The following BIN1 variants were observed in gnomAD, a reference collection of about 807,000 sequenced individuals.
BIN1 encodes the protein myc box-dependent-interacting protein 1.
In BIN1, 53 loss-of-function variants were observed where a neutral mutation model predicts 82.0. The ratio of observed to expected loss-of-function variants is 0.65; its 90% CI spans 0.52 to 0.81. The LOEUF (loss-of-function observed/expected upper bound fraction) is 0.81. Ranked by LOEUF, BIN1 falls within the 40% of genes least tolerant of loss-of-function variation. The pLI is 0.00. For synonymous variants in BIN1, 302 were observed against 328.0 expected (o/e 0.92, Z 0.86); for missense variants, 642 against 784.4 (o/e 0.82, Z 2.17).
At chr2:127,053,811 C>A (rs1683279955) in intron 13 of BIN1, 94 bp downstream of exon 13, 9 of 1,259,344 alleles carry the variant, frequency 7.1e-6, no homozygotes, top group Admixed American at 2.0e-5. Context: ...GTGACCCAGG[C>A]CTAGCTGGGG....
At position 127,068,340 on chromosome 2, in the gene BIN1, G is replaced by A. The variant is rs142862911; in HGVS notation, c.520-85C>T. 1 of 1,163,084 alleles carries A rather than the reference G, an allele frequency of 8.6e-7. No homozygotes were observed. The highest frequency in any genetic ancestry group is 1.2e-6 in the Non-Finnish European group (1 of 803,766). The allele number at this position is 1,163,084 out of a possible 1,614,324, so 72.0% of individuals were successfully genotyped here. A position where few individuals can be genotyped will look rare whatever the true frequency, so the allele number is the denominator to read the frequency against. ...AACAGAGACACACAGATTAAATGCA[G>A]GTCCACACGCCCCACGCGCGGGGGC... On this transcript the variant is annotated intron_variant, in intron 6 of 18. Transcript: ENST00000316724. This position sits in a 1 kb window ranked among gnomAD's most constrained non-coding sequence, Gnocchi z 4.9.
Position 127,059,024 on chromosome 2 carries a change from T to C in BIN1, c.989A>G (p.Lys330Arg), listed in dbSNP as rs763376206. 2 of 1,559,042 alleles carry C rather than the reference T, an allele frequency of 1.3e-6. No homozygotes were observed. Among genetic ancestry groups the C allele is most frequent in the African/African-American group, 1.4e-5 (1 of 73,336 alleles). ...GGATPGATLP[K>R]SPSQLRKGPP... is the part of the protein sequence containing the mutation. ...CATCACTCCTACCTGAGATGGGGAC[T>C]TGGGGAGGGTGGCCCCGGGCGTGGC... is the stretch of plus-strand genomic sequence containing the variant. Residue 330 changes from lysine to arginine, a missense_variant, in exon 11 of 19, where the codon AAG (lysine) becomes AGG (arginine). Transcript: ENST00000316724. The surrounding 1 kb of genome is among the most constrained non-coding windows in gnomAD (Gnocchi z 6.7).
At chr2:127,098,548 C>G (rs1175918844) in intron 1 of BIN1, among the ~76,000 whole-genome samples, 3 of 152,190 alleles carry the variant, frequency 2.0e-5, no homozygotes, top group Admixed American at 1.3e-4. Context: ...AAGGCCCAAC[C>G]ACCCCACCCC....
At chr2:127,104,960 C>G (rs1355911304) in intron 1 of BIN1, among the ~76,000 whole-genome samples, 1 of 152,148 alleles carries the variant, frequency 6.6e-6, no homozygotes, top group Non-Finnish European at 1.5e-5. Flanking sequence ...AACTCCAGTC[C>G]CAGGAAGCCC....
At chr2:127,076,160 T>C (rs13386828) in intron 2 of BIN1, among the ~76,000 whole-genome samples, 28,185 of 152,028 alleles carry the variant, frequency 0.19, 2,825 homozygotes, top group South Asian at 0.26. Context: ...TGGCTGCGGA[T>C]GCCTCCCCAC....
chr2:127,107,143 G>A lies in BIN1; in HGVS notation c.-200C>T, dbSNP rs1681272233. 2 of 511,790 alleles carry A rather than the reference G, an allele frequency of 3.9e-6. No homozygotes were observed. The highest frequency in any genetic ancestry group is 4.1e-5 in the African/African-American group (2 of 49,206). 31.7% of individuals were successfully genotyped at this position (511,790 alleles called of 1,614,324 possible). A position where few individuals can be genotyped will look rare whatever the true frequency, so the allele number is the denominator to read the frequency against. ...GCCAGCGAGCTAGCCAGCGAGCGAC[G>A]CGGGGACAGAGGGAGGGAGAGGGGA... is the stretch of plus-strand genomic sequence containing the variant. On this transcript the variant is annotated 5_prime_UTR_variant, in exon 1 of 19. Transcript: ENST00000316724. The surrounding 1 kb of genome is among the most constrained non-coding windows in gnomAD (Gnocchi z 5.9).
chr2:127,070,750 C>T lies in BIN1; in HGVS notation c.220+12G>A, dbSNP rs769249858. The stretch of plus-strand genomic sequence containing the variant: ...CTCTACACGGGCCAGGTGCGCTCTG[C>T]CTGCCTCCTACCTTTGACGGAGGCC... On this transcript the variant is annotated intron_variant, in intron 3 of 18. Transcript: ENST00000316724. 11 of 1,613,894 alleles carry T rather than the reference C, an allele frequency of 6.8e-6. No individual in the cohort carries two copies. In the South Asian group the frequency reaches 1.2e-4, roughly 18 times the overall value.
intron 2 of BIN1, among the ~76,000 whole-genome samples, chr2:127,072,361 C>G (rs547024126): frequency 6.6e-6 from 1 of 152,354 alleles, no homozygotes; most frequent in African/African-American, 2.4e-5. Flanking sequence ...CTTCTCAACA[C>G]CACTGTCCCA....
intron 1 of BIN1, among the ~76,000 whole-genome samples, chr2:127,084,587 G>A (rs1473803976): frequency 6.6e-6 from 1 of 152,180 alleles, no homozygotes; most frequent in African/African-American, 2.4e-5. Flanking sequence ...AGGCATTTCA[G>A]CGTTCCCTCA....
Position 127,048,240 on chromosome 2 carries a change from C to T in BIN1, c.*286G>A, listed in dbSNP as rs972926183. 6.8e-5 allele frequency: 30 copies of T among 443,388 alleles called. No homozygotes were observed. Among genetic ancestry groups the T allele is most frequent in the Non-Finnish European group, 1.3e-4 (30 of 238,612 alleles). 27.5% of individuals were successfully genotyped at this position (443,388 alleles called of 1,614,324 possible). A position where few individuals can be genotyped will look rare whatever the true frequency, so the allele number is the denominator to read the frequency against. ...ATGGTGGCTCGGCAGCCCCCAGCCCCGCCCTGCGGCCAGGCACACATGCGG... is the reference window on the plus strand; with the variant it reads ...ATGGTGGCTCGGCAGCCCCCAGCCCTGCCCTGCGGCCAGGCACACATGCGG... On this transcript the variant is annotated 3_prime_UTR_variant, in exon 19 of 19. Coordinates refer to ENST00000316724, the MANE Select transcript of BIN1 (RefSeq NM_139343.3).
chr2:127,051,054 G>A, intron 16 of BIN1, 100 bp downstream of exon 16: 4 of 1,545,178 alleles, frequency 2.6e-6, no homozygotes, highest in Non-Finnish European at 1.8e-6. Flanking sequence ...CTCAACAGGA[G>A]CCAGGCCTGG....
At chr2:127,052,501 C>G (rs888903967) in intron 14 of BIN1, 139 bp from the exon 15 acceptor site, 1 of 736,230 alleles carries the variant, frequency 1.4e-6, no homozygotes, top group African/African-American at 1.7e-5. Flanking sequence ...CAGCGGAGCC[C>G]GGCCAGCCAC....
chr2:127,067,595 TC>T lies in BIN1; in HGVS notation c.612+567del, dbSNP rs1685310742. ...GCATCCCATCCAGACTGGAGGGTCC[TC>T]CCAGTAACTCCTCCAGAGTCACCAC... On this transcript the variant is annotated intron_variant, in intron 7 of 18. Transcript: ENST00000316724. This position sits in a 1 kb window ranked among gnomAD's most constrained non-coding sequence, Gnocchi z 4.7. Among the ~76,000 whole-genome samples the T allele has an allele frequency of 6.6e-6, 1 of 152,196 alleles. No homozygotes were observed. The highest frequency in any genetic ancestry group is 2.4e-5 in the African/African-American group (1 of 41,442).
chr2:127,103,921 C>T (rs573593927), intron 1 of BIN1, among the ~76,000 whole-genome samples: 1 of 152,318 alleles, frequency 6.6e-6, no homozygotes, highest in African/African-American at 2.4e-5. Flanking sequence ...CCACGCATTC[C>T]GGGGGCAGTG....
chr2:127,050,250 G>C (rs1682725254), intron 18 of BIN1, 171 bp downstream of exon 18: 1 of 679,350 alleles, frequency 1.5e-6, no homozygotes, highest in African/African-American at 1.8e-5. Flanking sequence ...AGAGGAGAGG[G>C]AGAGAGGAAA....
chr2:127,053,227 A>T, intron 14 of BIN1, 195 bp downstream of exon 14: 1 of 753,160 alleles, frequency 1.3e-6, no homozygotes, highest in Non-Finnish European at 2.3e-6. Context: ...GGCCTGCCAG[A>T]GGGAGAAGCA....
intron 7 of BIN1, among the ~76,000 whole-genome samples, chr2:127,065,236 C>T (rs926067425): frequency 6.6e-6 from 1 of 152,044 alleles, no homozygotes; most frequent in African/African-American, 2.4e-5. Flanking sequence ...CAGCTACTCG[C>T]TAGAGTGGGC....
At chr2:127,081,959 G>A in intron 1 of BIN1, 4 of 1,170,656 alleles carry the variant, frequency 3.4e-6, no homozygotes, top group African/African-American at 1.6e-5. Context: ...ACACCCTCGT[G>A]CCCCGGCGTT....
chr2:127,072,989 C>T (rs894188789), intron 2 of BIN1, among the ~76,000 whole-genome samples: 2 of 152,240 alleles, frequency 1.3e-5, no homozygotes, highest in Non-Finnish European at 2.9e-5. Context: ...GCCAGGCCTC[C>T]ACCATCCCAG....
Sources: gnomAD v4.1 joint callset for allele counts (sites outside exome capture counted in the v4.1 genomes callset) on GRCh38, gnomAD v4.1.1 for gene constraint, Gnocchi (gnomAD v3.1) non-coding constraint, MANE v1.5 for transcripts, NCBI Gene and HGNC (gene_info 2026-07-23, HGNC 2026-07-21) for gene names.